The following KIF1B variants were observed in gnomAD, a reference collection of about 807,000 sequenced individuals.
KIF1B encodes kinesin-like protein KIF1B.
KIF1B carries 76 observed loss-of-function variants against 241.9 expected under a neutral mutation model. The ratio of observed to expected loss-of-function variants is 0.31; its 90% CI spans 0.26 to 0.38. The LOEUF (loss-of-function observed/expected upper bound fraction) is 0.38, where lower values mean the gene tolerates loss of function less well. Ranked by LOEUF, KIF1B falls within the 10% of genes least tolerant of loss-of-function variation. The pLI is 1.00. For synonymous variants in KIF1B, 750 were observed against 796.7 expected (o/e 0.94, Z 0.99); for missense variants, 1,622 against 2,271.4 (o/e 0.71, Z 5.81).
intron 1 of KIF1B, among the ~76,000 whole-genome samples, chr1:10,224,210 G>A (rs780158386): frequency 3.6e-4 from 55 of 152,046 alleles, no homozygotes; most frequent in Admixed American, 5.9e-4. Flanking sequence ...TCCGCCTCCC[G>A]GGTTTAAGCG....
intron 10 of KIF1B, among the ~76,000 whole-genome samples, chr1:10,273,878 CTGATTTGCTGGAG>C (rs1648955842): frequency 6.6e-6 from 1 of 150,620 alleles, no homozygotes; most frequent in Non-Finnish European, 1.5e-5. Context: ...TATAAAACTG[CTGATTTGCTGGAG>C]TGGTGTTTAG....
intron 41 of KIF1B, 126 bp from the exon 42 acceptor site, chr1:10,364,974 C>G: frequency 1.2e-6 from 1 of 808,388 alleles, no homozygotes; most frequent in Non-Finnish European, 1.9e-6. Flanking sequence ...CCACTGCACT[C>G]CAGCCTGGGC....
chr1:10,330,711 C>A (rs1651888118), intron 27 of KIF1B, among the ~76,000 whole-genome samples: 1 of 152,178 alleles, frequency 6.6e-6, no homozygotes, highest in Non-Finnish European at 1.5e-5. Context: ...TTCCCTTATG[C>A]ACATAGATGT....
At chr1:10,372,647 CAGCTTGGGTGACAG>C (rs1356804239) in intron 45 of KIF1B, among the ~76,000 whole-genome samples, 7 of 125,362 alleles carry the variant, frequency 5.6e-5, no homozygotes, top group Non-Finnish European at 8.2e-5. Context: ...CGCTGCGCGC[CAGCTTGGGTGACAG>C]AGCTGTCACC....
At chr1:10,330,788 G>C (rs1396125871) in intron 27 of KIF1B, among the ~76,000 whole-genome samples, 1 of 152,162 alleles carries the variant, frequency 6.6e-6, no homozygotes, top group Non-Finnish European at 1.5e-5. Flanking sequence ...ACCAGACATG[G>C]TTCCTGCCCT....
At chr1:10,215,638 T>C (rs1233754577) in intron 1 of KIF1B, among the ~76,000 whole-genome samples, 2 of 152,060 alleles carry the variant, frequency 1.3e-5, no homozygotes, top group Non-Finnish European at 2.9e-5. Flanking sequence ...CTTGACCTCC[T>C]GGGCTCAAGT....
At chr1:10,282,683 G>GT in intron 15 of KIF1B, 150 bp downstream of exon 15, 1 of 737,968 alleles carries the variant, frequency 1.4e-6, no homozygotes, top group Non-Finnish European at 2.3e-6. Flanking sequence ...TGCTTTGTAA[G>GT]TTAATTTCTT....
intron 24 of KIF1B, 94 bp downstream of exon 24, chr1:10,321,951 G>A (rs1651541657): frequency 1.4e-6 from 2 of 1,401,512 alleles, no homozygotes; most frequent in Admixed American, 1.8e-5. Context: ...TTTCCTTTGG[G>A]GGAACTCAGC....
chr1:10,368,518 G>A lies in KIF1B; in HGVS notation c.4804G>A (p.Gly1602Ser), dbSNP rs1020134150. The A allele has an allele frequency of 1.4e-5, 23 of 1,613,950 alleles. No individual in the cohort carries two copies. Among genetic ancestry groups the A allele is most frequent in the Non-Finnish European group, 1.9e-5 (22 of 1,179,870 alleles). The change falls in exon 44 of 49, where the codon GGC becomes AGC. Residue 1602 changes from glycine (G) to serine (S), a missense_variant. Around this residue, in one of 7 missense-constraint regions of KIF1B, gnomAD observed 357 missense variants for 409.0 expected, o/e 0.87. Coordinates refer to ENST00000676179, the MANE Select transcript of KIF1B (RefSeq NM_001365951.3). ...CAACAGAGAATTCAGCCAGGTGCAC[G>A]GCAGCGTCAGTGACTGTAAGGTGAG... ...TFNREFSQVHGSVSDCKLSDI... is the reference protein window; with the variant it reads ...TFNREFSQVHSSVSDCKLSDI...
intron 35 of KIF1B, 73 bp from the exon 36 acceptor site, chr1:10,347,688 C>A: frequency 7.8e-7 from 1 of 1,275,472 alleles, no homozygotes. Context: ...TTTATCAAAA[C>A]AAAGACCACC....
At chr1:10,284,918 T>A (rs1291892867) in intron 15 of KIF1B, among the ~76,000 whole-genome samples, 1 of 151,688 alleles carries the variant, frequency 6.6e-6, no homozygotes, top group African/African-American at 2.4e-5. Context: ...AACATGTAAG[T>A]GGAAAGTGAG....
chr1:10,273,034 A>G lies in KIF1B; in HGVS notation c.882+3A>G. 2.6e-6 allele frequency: 4 copies of G among 1,544,500 alleles called. No homozygotes were observed. Among genetic ancestry groups the G allele is most frequent in the Non-Finnish European group, 3.5e-6 (4 of 1,141,826 alleles). The stretch of plus-strand genomic sequence containing the variant: ...TGTAGGATAACTGCACTAGCAAGGT[A>G]CAGTGGGGATTGGTAGAGATAAACT... On this transcript the variant is annotated splice_donor_region_variant and intron_variant, in intron 10 of 48. Transcript: ENST00000676179.
At chr1:10,273,729 AAAAAAAAAAAC>A (rs1476124154) in intron 10 of KIF1B, among the ~76,000 whole-genome samples, 5 of 89,140 alleles carry the variant, frequency 5.6e-5, no homozygotes, top group African/African-American at 1.2e-4. Flanking sequence ...AAAAAAAAAA[AAAAAAAAAAAC>A]CCAACAAACA....
At chr1:10,321,260 C>T (rs1651512480) in intron 23 of KIF1B, among the ~76,000 whole-genome samples, 1 of 151,792 alleles carries the variant, frequency 6.6e-6, no homozygotes, top group South Asian at 2.1e-4. Context: ...TGTGCCACCA[C>T]GCCTGGCTAA....
At chr1:10,333,608 C>T (rs906736465) in intron 27 of KIF1B, among the ~76,000 whole-genome samples, 5 of 151,878 alleles carry the variant, frequency 3.3e-5, no homozygotes, top group African/African-American at 4.8e-5. Context: ...AGGAGAGTGG[C>T]GTGAACCTGG....
At chr1:10,373,855 C>A (rs1638812295) in intron 45 of KIF1B, among the ~76,000 whole-genome samples, 1 of 152,182 alleles carries the variant, frequency 6.6e-6, no homozygotes, top group African/African-American at 2.4e-5. Flanking sequence ...CATGGCTCAA[C>A]CCCACCCAAA....
chr1:10,218,881 A>G (rs879588215), intron 1 of KIF1B, among the ~76,000 whole-genome samples: 57 of 152,308 alleles, frequency 3.7e-4, no homozygotes, highest in Non-Finnish European at 7.3e-4. Context: ...TACTACTTCT[A>G]GAAAGGATTT....
At chr1:10,369,969 A>G (rs1288081014) in intron 44 of KIF1B, among the ~76,000 whole-genome samples, 1 of 139,552 alleles carries the variant, frequency 7.2e-6, no homozygotes, top group East Asian at 2.4e-4. Context: ...CCCCAAAATA[A>G]TGGGCCAGGC....
At chr1:10,232,189 AAGTTAGCC>A in intron 1 of KIF1B, 53 bp from the exon 2 acceptor site, 1 of 655,688 alleles carries the variant, frequency 1.5e-6, no homozygotes, top group South Asian at 1.7e-5. Flanking sequence ...TCTTATGCTT[AAGTTAGCC>A]AGTTCTTGCT....
Sources: gnomAD v4.1 joint callset for allele counts (sites outside exome capture counted in the v4.1 genomes callset) on GRCh38, gnomAD v4.1.1 for gene constraint, gnomAD v4.1.1 regional missense constraint, MANE v1.5 for transcripts, NCBI Gene and HGNC (gene_info 2026-07-23, HGNC 2026-07-21) for gene names.